UGT1A7: variants seen among roughly 807,000 people sequenced by gnomAD.
UGT1A7 encodes the protein UDP-glucuronosyltransferase 1A7.
A neutral mutation model predicts 45.6 loss-of-function variants in UGT1A7; 33 were observed. That is an observed-to-expected ratio of 0.72 (90% CI 0.55 to 0.97). The LOEUF (loss-of-function observed/expected upper bound fraction) is 0.97, where lower values mean the gene tolerates loss of function less well. Among genes scored for constraint, UGT1A7 ranks in the 50% least tolerant of loss-of-function variants. UGT1A7 has a pLI of 0.00. For missense variants in UGT1A7, 684 were observed against 666.2 expected (o/e 1.03, Z -0.29); for synonymous variants, 274 against 250.6 (o/e 1.09, Z -0.88).
In UGT1A7 at chr2:233,769,475, G is replaced by A. The variant is rs1699877907; in HGVS notation, c.1295+1036G>A. 2.5e-6 allele frequency: 4 copies of A among 1,611,166 alleles called. No homozygotes were observed. The highest frequency in any genetic ancestry group is 1.7e-4 in the Middle Eastern group (1 of 6,054). ...TGTGCATTCATATGCGTGTGTGTGT[G>A]TGTGCGTGTGTTTATGAGAGTGTCC... On this transcript the variant is annotated intron_variant, in intron 4 of 4. Coordinates refer to ENST00000373426, the MANE Select transcript of UGT1A7 (RefSeq NM_019077.3). The surrounding 1 kb of genome is among the most constrained non-coding windows in gnomAD (Gnocchi z 4.4).
intron 1 of UGT1A7, among the ~76,000 whole-genome samples, chr2:233,751,256 G>C (rs772853409): frequency 1.3e-5 from 2 of 151,926 alleles, no homozygotes; most frequent in South Asian, 4.1e-4. Context: ...CATGGGGCCT[G>C]TAGCCCCCTT....
intron 1 of UGT1A7, among the ~76,000 whole-genome samples, chr2:233,725,586 A>G (rs1194596370): frequency 6.6e-6 from 1 of 152,166 alleles, no homozygotes; most frequent in East Asian, 1.9e-4. Context: ...TTATGACTTA[A>G]CTATTTGACA....
chr2:233,729,877 C>T, intron 1 of UGT1A7: 5 of 1,613,842 alleles, frequency 3.1e-6, no homozygotes, highest in Non-Finnish European at 4.2e-6. Flanking sequence ...TATTCTCAGT[C>T]ATGCATCTGT....
intron 1 of UGT1A7, among the ~76,000 whole-genome samples, chr2:233,709,752 A>G (rs1448990016): frequency 1.3e-5 from 2 of 152,332 alleles, no homozygotes; most frequent in South Asian, 4.1e-4. Context: ...AATAAACATT[A>G]TTGGAGTATT....
rs1369238146 is a variant in UGT1A7, at chr2:233,713,189, T to C, written c.855+30397T>C. 3 of 1,614,214 alleles carry C rather than the reference T, an allele frequency of 1.9e-6. No individual in the cohort carries two copies. The East Asian group carries it at 6.7e-5, about 36-fold the overall frequency. On this transcript the variant is annotated intron_variant, in intron 1 of 4. Coordinates refer to ENST00000373426, the MANE Select transcript of UGT1A7 (RefSeq NM_019077.3). ...TGGTGGTCCTCACCCTGGAGGTGAA[T>C]ATGTACATCAAAGAAGAGAACTTTT...
chr2:233,689,829 T>C (rs2074961574), intron 1 of UGT1A7: 2 of 452,156 alleles, frequency 4.4e-6, no homozygotes, highest in South Asian at 3.1e-5. Context: ...CTCTGGACTC[T>C]AACTTTCTTG....
At chr2:233,721,607 A>C (rs1233448854) in intron 1 of UGT1A7, 2 of 179,574 alleles carry the variant, frequency 1.1e-5, no homozygotes, top group Non-Finnish European at 1.2e-5. Flanking sequence ...GTTTAGGAAC[A>C]ATTTGTTCCT....
intron 1 of UGT1A7, among the ~76,000 whole-genome samples, chr2:233,706,755 G>A (rs1452433367): frequency 1.3e-5 from 2 of 152,148 alleles, no homozygotes; most frequent in East Asian, 1.9e-4. Context: ...GCAGAGTGCC[G>A]TACACTGGTA....
chr2:233,750,907 A>G (rs908558459), intron 1 of UGT1A7, among the ~76,000 whole-genome samples: 1 of 151,862 alleles, frequency 6.6e-6, no homozygotes, highest in Non-Finnish European at 1.5e-5. Flanking sequence ...TCTGCTAGAG[A>G]AGGGTGGTAA....
chr2:233,704,330 C>G, intron 1 of UGT1A7, among the ~76,000 whole-genome samples: 1 of 143,058 alleles, frequency 7.0e-6, no homozygotes, highest in East Asian at 2.0e-4. Context: ...TTTCTTTCCA[C>G]TATTTAAAAA....
At chr2:233,768,021 G>A (rs1699549230) in intron 3 of UGT1A7, 85 bp downstream of exon 3, 3 of 1,613,440 alleles carry the variant, frequency 1.9e-6, no homozygotes, top group East Asian at 2.2e-5. Flanking sequence ...AAGGATTGTT[G>A]AGCTTGAAAA....
At chr2:233,711,526 C>T (rs1484293878) in intron 1 of UGT1A7, among the ~76,000 whole-genome samples, 1 of 152,234 alleles carries the variant, frequency 6.6e-6, no homozygotes, top group Non-Finnish European at 1.5e-5. Flanking sequence ...GTCCTCACAA[C>T]TCCCCGGGAA....
intron 1 of UGT1A7, among the ~76,000 whole-genome samples, chr2:233,757,244 T>G (rs1696450978): frequency 1.0e-5 from 1 of 99,552 alleles, no homozygotes; most frequent in African/African-American, 4.0e-5. Context: ...GGTGGTGAGG[T>G]GGGGTTATTC....
chr2:233,742,999 C>A, intron 1 of UGT1A7: 1 of 234,266 alleles, frequency 4.3e-6, no homozygotes, highest in Non-Finnish European at 8.5e-6. Context: ...AAATTGCATA[C>A]AGATATTTTA....
intron 1 of UGT1A7, among the ~76,000 whole-genome samples, chr2:233,715,064 T>A (rs957202812): frequency 6.6e-6 from 1 of 152,062 alleles, no homozygotes; most frequent in African/African-American, 2.4e-5. Flanking sequence ...TTTTGTATTT[T>A]TTATGGAGAT....
chr2:233,747,015 G>A lies in UGT1A7; in HGVS notation c.856-20019G>A, dbSNP rs911515983. 7.2e-5 allele frequency among the ~76,000 whole-genome samples: 11 copies of A among 151,822 alleles called. 1 individual carries two copies. The highest frequency in any genetic ancestry group is 2.2e-4 in the African/African-American group (9 of 41,118). Reference sequence around the variant, plus strand: ...ATGAGTTTTTCAAGTAGGAGTGATCGGTCTTTCCCGAAGTGGGACCCATAA... The same window carrying A: ...ATGAGTTTTTCAAGTAGGAGTGATCAGTCTTTCCCGAAGTGGGACCCATAA... On this transcript the variant is annotated intron_variant, in intron 1 of 4. Coordinates refer to ENST00000373426, the MANE Select transcript of UGT1A7 (RefSeq NM_019077.3).
chr2:233,769,620 A>G lies in UGT1A7; in HGVS notation c.1295+1181A>G. The G allele has an allele frequency of 6.2e-7, 1 of 1,612,636 alleles. No homozygotes were observed. Among genetic ancestry groups the G allele is most frequent in the Non-Finnish European group, 8.5e-7 (1 of 1,179,796 alleles). ...AACACGGGGACACACCAGCTTGAGCAAGGGACAACAGGGGAGGACTGATGA... is the reference window on the plus strand; with the variant it reads ...AACACGGGGACACACCAGCTTGAGCGAGGGACAACAGGGGAGGACTGATGA... On this transcript the variant is annotated intron_variant, in intron 4 of 4. Transcript: ENST00000373426. This position sits in a 1 kb window ranked among gnomAD's most constrained non-coding sequence, Gnocchi z 4.4.
chr2:233,760,467 A>G (rs1444464587), intron 1 of UGT1A7: 1 of 1,614,232 alleles, frequency 6.2e-7, no homozygotes, highest in South Asian at 1.1e-5. Context: ...TAGTTGTCCT[A>G]GCACCTGACG....
In UGT1A7 at chr2:233,769,769, T is replaced by A. The variant is rs979940706; in HGVS notation, c.1295+1330T>A. 1.4e-6 allele frequency: 2 copies of A among 1,395,436 alleles called. No individual in the cohort carries two copies. Among genetic ancestry groups the A allele is most frequent in the Non-Finnish European group, 1.9e-6 (2 of 1,067,626 alleles). The allele number at this position is 1,395,436 out of a possible 1,614,324, so 86.4% of individuals were successfully genotyped here. ...ACTCTGGAGGCTAAGGCGGGAGGAT[T>A]GCTTGAGCCCAGAAGTTGGAGGCTG... is the stretch of plus-strand genomic sequence containing the variant. On this transcript the variant is annotated intron_variant, in intron 4 of 4. Transcript: ENST00000373426. This position sits in a 1 kb window ranked among gnomAD's most constrained non-coding sequence, Gnocchi z 4.4.
Sources: allele counts gnomAD v4.1 joint callset (sites outside exome capture counted in the v4.1 genomes callset), GRCh38; gene constraint gnomAD v4.1.1; non-coding constraint Gnocchi (gnomAD v3.1); transcripts MANE v1.5; gene names NCBI Gene and HGNC (gene_info 2026-07-23, HGNC 2026-07-21).